The following TMC7 variants were observed in gnomAD, a reference collection of about 807,000 sequenced individuals.
TMC7 encodes transmembrane channel like 7.
A neutral mutation model predicts 82.9 loss-of-function variants in TMC7; 54 were observed. The observed-to-expected ratio is 0.65, with a 90% CI of 0.52 to 0.82. TMC7 has a LOEUF of 0.82. Ranked by LOEUF, TMC7 falls within the 40% of genes least tolerant of loss-of-function variation. The pLI is 0.00. For synonymous variants in TMC7, 350 were observed against 337.9 expected, an observed-to-expected ratio of 1.04 and a Z score of -0.39; for missense variants, 820 against 901.2, an observed-to-expected ratio of 0.91 and a Z score of 1.15.
At chr16:19,037,602 A>C (rs534476798) in intron 7 of TMC7, among the ~76,000 whole-genome samples, 4 of 151,532 alleles carry the variant, frequency 2.6e-5, no homozygotes, top group South Asian at 4.2e-4. Flanking sequence ...CCCGAGTAGC[A>C]GCGACTACAG....
In TMC7 at chr16:19,063,623, A is replaced by C. The variant is rs529418692; in HGVS notation, c.*1780A>C. ...ATTTCTGCCCAGTGCCTTTATATTTATATAACATTTTCACTGTGACCAGAC... is the reference window on the plus strand; with the variant it reads ...ATTTCTGCCCAGTGCCTTTATATTTCTATAACATTTTCACTGTGACCAGAC... On this transcript the variant is annotated 3_prime_UTR_variant, in exon 16 of 16. Coordinates refer to ENST00000304381, the MANE Select transcript of TMC7 (RefSeq NM_024847.4). 2 of 152,232 alleles carry C rather than the reference A, an allele frequency of 1.3e-5. No homozygotes were observed. Among genetic ancestry groups the C allele is most frequent in the East Asian group, 3.9e-4 (2 of 5,186 alleles). The allele number at this position is 152,232 out of a possible 1,614,324, so 9.4% of individuals were successfully genotyped here. A position where few individuals can be genotyped will look rare whatever the true frequency, so the allele number is the denominator to read the frequency against.
At chr16:19,042,144 G>A (rs991960131) in intron 9 of TMC7, among the ~76,000 whole-genome samples, 5 of 151,808 alleles carry the variant, frequency 3.3e-5, no homozygotes, top group African/African-American at 1.2e-4. Context: ...ACAGTGAGCA[G>A]AGGGCGTGGG....
chr16:19,009,880 G>A (rs1205631627), intron 2 of TMC7, among the ~76,000 whole-genome samples: 2 of 149,024 alleles, frequency 1.3e-5, no homozygotes. Context: ...GGCAGAGCTT[G>A]CAGTGAGCCG....
chr16:19,002,426 A>G (rs9930509), intron 1 of TMC7, among the ~76,000 whole-genome samples: 118,477 of 151,872 alleles, frequency 0.78, 49,490 homozygotes, highest in Non-Finnish European at 0.93. Flanking sequence ...TAGTAGAGAC[A>G]GGGTTTCACC....
chr16:19,018,081 T>A (rs1959790773), intron 3 of TMC7, among the ~76,000 whole-genome samples: 1 of 152,180 alleles, frequency 6.6e-6, no homozygotes, highest in African/African-American at 2.4e-5. Flanking sequence ...GAGGCTGCAG[T>A]AAGCTATGAT....
Position 18,984,101 on chromosome 16 carries a change from G to A in TMC7, c.38G>A (p.Arg13Lys). The A allele has an allele frequency of 6.7e-7, 1 of 1,503,384 alleles. No individual in the cohort carries two copies. The highest frequency in any genetic ancestry group is 2.3e-4 in the Middle Eastern group (1 of 4,258). The allele number at this position is 1,503,384 out of a possible 1,614,324, so 93.1% of individuals were successfully genotyped here. A position where few individuals can be genotyped will look rare whatever the true frequency, so the allele number is the denominator to read the frequency against. The change falls in exon 1 of 16, where the codon AGG becomes AAG. Residue 13 changes from arginine (R) to lysine (K), a missense_variant. Physicochemically the swap from Arg to Lys is conservative, Grantham distance 26. Transcript: ENST00000304381. ...AGCGGCAGTGCGCTCCAGCCCGGCA[G>A]GCCCAGCCGGCAGCCGGCGGTCCAT... ...ESSGSALQPGRPSRQPAVHPE... is the reference protein window; with the variant it reads ...ESSGSALQPGKPSRQPAVHPE...
chr16:19,019,475 G>T (rs1959863738), intron 3 of TMC7, among the ~76,000 whole-genome samples: 1 of 152,128 alleles, frequency 6.6e-6, no homozygotes, highest in South Asian at 2.1e-4. Flanking sequence ...AACTGTTACT[G>T]AACATTTACT....
chr16:19,030,153 G>T (rs1596765108), intron 5 of TMC7, 71 bp from the exon 6 acceptor site: 2 of 1,500,054 alleles, frequency 1.3e-6, no homozygotes, highest in Admixed American at 4.1e-5. Context: ...GTTCCTTGAG[G>T]CAGGGACTAC....
At chr16:19,002,677 A>G (rs776187467) in intron 1 of TMC7, among the ~76,000 whole-genome samples, 4 of 152,212 alleles carry the variant, frequency 2.6e-5, no homozygotes, top group Admixed American at 6.5e-5. Context: ...TTACCCAGTC[A>G]TCCTCCTACC....
At chr16:19,000,093 A>ATGAGTTCTTGGGT (rs2039116487) in intron 1 of TMC7, among the ~76,000 whole-genome samples, 1 of 151,908 alleles carries the variant, frequency 6.6e-6, no homozygotes, top group South Asian at 2.1e-4. Flanking sequence ...TCCGGGCTTT[A>ATGAGTTCTTGGGT]TGAGTTCTTG....
chr16:18,999,753 GT>G (rs10711787), intron 1 of TMC7, among the ~76,000 whole-genome samples: 46,933 of 151,600 alleles, frequency 0.31, 7,484 homozygotes, highest in Non-Finnish European at 0.35. Flanking sequence ...GTCTGGGGAC[GT>G]TTTTTTGTTT....
intron 9 of TMC7, among the ~76,000 whole-genome samples, chr16:19,043,076 C>A (rs1237004477): frequency 1.3e-5 from 2 of 151,596 alleles, no homozygotes; most frequent in African/African-American, 2.4e-5. Flanking sequence ...ACAAACCAAA[C>A]AATGGAAAAT....
chr16:19,049,559 A>T (rs1961431843), intron 12 of TMC7: 6 of 907,600 alleles, frequency 6.6e-6, no homozygotes, highest in Non-Finnish European at 7.9e-6. Flanking sequence ...AAATCATCAA[A>T]GGAGAGATGG....
chr16:19,006,769 C>T (rs2039247230), intron 1 of TMC7, among the ~76,000 whole-genome samples: 1 of 152,218 alleles, frequency 6.6e-6, no homozygotes, highest in Non-Finnish European at 1.5e-5. Context: ...AAGATGGCCT[C>T]ATCATGGCGA....
In TMC7 at chr16:19,005,334, C is replaced by T. The variant is rs537945932; in HGVS notation, c.68-3838C>T. ...TGATCTCCTGACCTCGTGATCCACT[C>T]GCCTCGGCCTCCCAAAGTGCTGGGA... On this transcript the variant is annotated intron_variant, in intron 1 of 15. Transcript: ENST00000304381. Among the ~76,000 whole-genome samples, 9 of 152,176 alleles carry T rather than the reference C, an allele frequency of 5.9e-5. No individual in the cohort carries two copies. In the South Asian group the frequency reaches 1.7e-3, roughly 28 times the overall value.
chr16:18,987,558 G>A (rs1383850724), intron 1 of TMC7, among the ~76,000 whole-genome samples: 4 of 151,972 alleles, frequency 2.6e-5, no homozygotes, highest in Admixed American at 1.3e-4. Flanking sequence ...CGCCCACCTC[G>A]GCCTCCCAAA....
chr16:18,989,585 T>C, intron 1 of TMC7, among the ~76,000 whole-genome samples: 1 of 142,212 alleles, frequency 7.0e-6, no homozygotes, highest in Non-Finnish European at 1.6e-5. Context: ...GGGAAGAAAA[T>C]GGGCCCTGAG....
At chr16:19,021,594 C>T (rs202132780) in intron 3 of TMC7, 35 bp from the exon 4 acceptor site, 18 of 1,610,578 alleles carry the variant, frequency 1.1e-5, no homozygotes, top group Non-Finnish European at 1.4e-5. Flanking sequence ...GTATCAATAT[C>T]CCTGGTCAGT....
intron 14 of TMC7, among the ~76,000 whole-genome samples, chr16:19,059,031 C>T (rs1174782412): frequency 6.6e-6 from 1 of 152,160 alleles, no homozygotes; most frequent in Non-Finnish European, 1.5e-5. Flanking sequence ...GCGTCCACCA[C>T]CACGCCCAGC....
Sources: gnomAD v4.1 joint callset for allele counts (sites outside exome capture counted in the v4.1 genomes callset) on GRCh38, gnomAD v4.1.1 for gene constraint, MANE v1.5 for transcripts, NCBI Gene and HGNC (gene_info 2026-07-23, HGNC 2026-07-21) for gene names.